The following FANK1 variants were observed in gnomAD, a reference collection of about 807,000 sequenced individuals.
FANK1 encodes fibronectin type 3 and ankyrin repeat domains protein 1.
Under a neutral mutation model 45.3 loss-of-function variants are expected in FANK1, and 44 were observed. That is an observed-to-expected ratio of 0.97 (90% CI 0.76 to 1.25). The LOEUF is 1.25. Ranked by LOEUF, FANK1 falls within the 50% of genes most tolerant of loss-of-function variation. The pLI, the probability that FANK1 is intolerant of heterozygous loss-of-function variation, is 0.00. For missense variants in FANK1, 391 were observed against 424.4 expected, an observed-to-expected ratio of 0.92 and a Z score of 0.69; for synonymous variants, 149 against 152.5, an observed-to-expected ratio of 0.98 and a Z score of 0.17.
At chr10:125,974,229 C>T (rs911447958) in intron 1 of FANK1, among the ~76,000 whole-genome samples, 2 of 152,074 alleles carry the variant, frequency 1.3e-5, no homozygotes, top group Non-Finnish European at 2.9e-5. Context: ...CTGGGGTCTT[C>T]GTGTAAGGGA....
At chr10:125,956,869 G>C (rs1047926652) in intron 1 of FANK1, among the ~76,000 whole-genome samples, 2 of 152,140 alleles carry the variant, frequency 1.3e-5, no homozygotes, top group African/African-American at 4.8e-5. Context: ...CTAATGTACA[G>C]TGACAATCTC....
intron 3 of FANK1, among the ~76,000 whole-genome samples, chr10:125,991,188 A>G (rs1049075293): frequency 2.6e-5 from 4 of 152,004 alleles, no homozygotes; most frequent in African/African-American, 4.8e-5. Context: ...TTACAGCGCC[A>G]TGGCTTCCAT....
intron 1 of FANK1, among the ~76,000 whole-genome samples, chr10:125,929,365 C>T (rs1473372256): frequency 6.6e-6 from 1 of 152,072 alleles, no homozygotes; most frequent in African/African-American, 2.4e-5. Flanking sequence ...CCTCTGTTTC[C>T]ATAGGAGTCT....
intron 1 of FANK1, chr10:125,907,408 G>T (rs1945614427): frequency 1.3e-6 from 1 of 787,582 alleles, no homozygotes; most frequent in South Asian, 5.8e-5. Flanking sequence ...TGTTTCCCAT[G>T]ATCTCAATGT....
intron 5 of FANK1, 39 bp from the exon 6 acceptor site, chr10:125,997,381 G>C (rs1367382092): frequency 6.3e-7 from 1 of 1,576,892 alleles, no homozygotes; most frequent in East Asian, 2.2e-5. Context: ...GAGTGATCAA[G>C]GTGACTTATC....
chr10:125,995,559 T>C lies in FANK1; in HGVS notation c.398+61T>C, dbSNP rs977297678. Reference sequence around the variant, plus strand: ...TGCCTATAAAGTGCATAGAAATACATGCAGTAGTTTCATTTTGTTTTCCTA... The same window carrying C: ...TGCCTATAAAGTGCATAGAAATACACGCAGTAGTTTCATTTTGTTTTCCTA... On this transcript the variant is annotated intron_variant, in intron 4 of 10. Transcript: ENST00000368693. 6 of 1,475,242 alleles carry C rather than the reference T, an allele frequency of 4.1e-6. No homozygotes were observed. In the African/African-American group the frequency reaches 8.3e-5, roughly 20 times the overall value. 91.4% of individuals were successfully genotyped at this position (1,475,242 alleles called of 1,614,324 possible).
intron 1 of FANK1, among the ~76,000 whole-genome samples, chr10:125,912,677 G>T (rs1355714951): frequency 1.3e-5 from 2 of 152,042 alleles, no homozygotes; most frequent in Admixed American, 6.6e-5. Flanking sequence ...TTGCTCTGTT[G>T]TCCGGGCTGG....
At position 125,980,179 on chromosome 10, in the gene FANK1, A is replaced by AG; in HGVS notation, c.33dup (p.Pro12AlafsTer15). On this transcript the variant is annotated frameshift_variant, in exon 2 of 11. Coordinates refer to ENST00000368693, the MANE Select transcript of FANK1 (RefSeq NM_145235.5). LOFTEE classifies it high-confidence loss of function. ...TTTTTAGAAATCATGCCACCCTCAA[A>AG]GCCTCATCCACCTGTCGTGGGCAAA... 6.2e-7 allele frequency: 1 copy of AG among 1,611,588 alleles called. No homozygotes were observed. The highest frequency in any genetic ancestry group is 2.2e-5 in the East Asian group (1 of 44,864).
chr10:125,952,697 C>A (rs1014276105), intron 1 of FANK1, among the ~76,000 whole-genome samples: 5 of 151,662 alleles, frequency 3.3e-5, no homozygotes, highest in East Asian at 1.9e-4. Flanking sequence ...CCTCTGCTTG[C>A]CTCTCTCCTG....
At chr10:125,924,768 C>T (rs1284153768) in intron 1 of FANK1, among the ~76,000 whole-genome samples, 15 of 141,534 alleles carry the variant, frequency 1.1e-4, no homozygotes, top group Non-Finnish European at 2.2e-4. Context: ...GATTTTGCTA[C>T]TGCACTCCAG....
intron 1 of FANK1, among the ~76,000 whole-genome samples, chr10:125,970,940 C>T (rs534050728): frequency 6.6e-6 from 1 of 152,116 alleles, no homozygotes; most frequent in Non-Finnish European, 1.5e-5. Context: ...GTTATACATC[C>T]AGCATGGTTA....
intron 1 of FANK1, among the ~76,000 whole-genome samples, chr10:125,902,230 G>A (rs1314075218): frequency 6.6e-6 from 1 of 152,148 alleles, no homozygotes; most frequent in Non-Finnish European, 1.5e-5. Flanking sequence ...CCTGCACATT[G>A]TGCACATGTA....
chr10:125,904,082 C>G (rs1945279471), intron 1 of FANK1, among the ~76,000 whole-genome samples: 1 of 152,010 alleles, frequency 6.6e-6, no homozygotes, highest in Admixed American at 6.6e-5. Context: ...AGTCTTGCCA[C>G]TATCCTAGTT....
At chr10:125,913,348 A>G (rs545903502) in intron 1 of FANK1, among the ~76,000 whole-genome samples, 1 of 152,066 alleles carries the variant, frequency 6.6e-6, no homozygotes, top group African/African-American at 2.4e-5. Flanking sequence ...ATGACACCCA[A>G]ACTCATTCTG....
At chr10:125,989,188 T>G in intron 3 of FANK1, 1 of 1,119,794 alleles carries the variant, frequency 8.9e-7, no homozygotes. Context: ...GAGCCCCACA[T>G]GGAGACCTCT....
chr10:125,922,765 C>T lies in FANK1; in HGVS notation c.13+26110C>T, dbSNP rs141005307. 4.1e-4 allele frequency among the ~76,000 whole-genome samples: 62 copies of T among 152,256 alleles called. No individual in the cohort carries two copies. In the East Asian group the frequency reaches 8.3e-3, roughly 20 times the overall value. On this transcript the variant is annotated intron_variant, in intron 1 of 10. Transcript: ENST00000368693. Reference sequence around the variant, plus strand: ...CCTGAGCTCAGGCCATCCTCTCACTCGGGCCTCCCAAAGTACTAGGATTAT... The same window carrying T: ...CCTGAGCTCAGGCCATCCTCTCACTTGGGCCTCCCAAAGTACTAGGATTAT...
At chr10:125,945,958 C>T (rs1948767004) in intron 1 of FANK1, among the ~76,000 whole-genome samples, 1 of 152,172 alleles carries the variant, frequency 6.6e-6, no homozygotes, top group Non-Finnish European at 1.5e-5. Context: ...CCCCTGACCC[C>T]CGAGCAGCCT....
chr10:125,978,889 A>C (rs1038790474), intron 1 of FANK1, among the ~76,000 whole-genome samples: 6 of 152,210 alleles, frequency 3.9e-5, no homozygotes, highest in African/African-American at 1.4e-4. Flanking sequence ...ACAGGAGTCT[A>C]ACCTCTCACT....
intron 1 of FANK1, among the ~76,000 whole-genome samples, chr10:125,928,078 T>G (rs1947491765): frequency 6.6e-6 from 1 of 152,128 alleles, no homozygotes. Flanking sequence ...AGAGGGTTAT[T>G]GGATCTGGTG....
Sources: allele counts gnomAD v4.1 joint callset (sites outside exome capture counted in the v4.1 genomes callset), GRCh38; gene constraint gnomAD v4.1.1; transcripts MANE v1.5; gene names NCBI Gene and HGNC (gene_info 2026-07-23, HGNC 2026-07-21).